TMEM245: variants seen among roughly 807,000 people sequenced by gnomAD.
TMEM245 encodes transmembrane protein 245.
In TMEM245, 69 loss-of-function variants were observed where a neutral mutation model predicts 101.2. That is an observed-to-expected ratio of 0.68 (90% CI 0.56 to 0.83). TMEM245 has a LOEUF of 0.83. TMEM245 is among the 40% of genes least tolerant of loss of function. The probability of loss-of-function intolerance (pLI) is 0.00; values close to 1 mark genes in which losing one functional copy is unlikely to be tolerated. For synonymous variants in TMEM245, 537 were observed against 449.8 expected (o/e 1.19, Z -2.45); for missense variants, 1,075 against 1,092.8 (o/e 0.98, Z 0.23).
At position 109,017,783 on chromosome 9, in the gene TMEM245, C is replaced by T. The variant is rs2132252297; in HGVS notation, c.*2677G>A. The T allele has an allele frequency of 6.6e-6, 1 of 152,302 alleles. No homozygotes were observed. Among genetic ancestry groups the T allele is most frequent in the East Asian group, 1.9e-4 (1 of 5,178 alleles). The allele number at this position is 152,302 out of a possible 1,614,324, so 9.4% of individuals were successfully genotyped here. ...ATCTTTGAGACTTGAGCTTAAAACT[C>T]CTACCTTTTCATACCACTTGATCTC... On this transcript the variant is annotated 3_prime_UTR_variant, in exon 18 of 18. Transcript: ENST00000374586.
In TMEM245 at chr9:109,119,649, G is replaced by A. The variant is rs1225882637; in HGVS notation, c.265C>T (p.Leu89=). Residue 89 remains leucine, a synonymous_variant, in exon 1 of 18, where the codon CTA becomes TTA. Coordinates refer to ENST00000374586, the MANE Select transcript of TMEM245 (RefSeq NM_032012.4). ...AFLRPLLWAV[L]CGTFLHPFKS... ...AAGGGGTGCAGAAAAGTGCCGCATA[G>A]CACGGCCCAGAGCAGCGGCCGCAGG... is the stretch of plus-strand genomic sequence containing the variant. The A allele has an allele frequency of 6.4e-7, 1 of 1,558,816 alleles. No homozygotes were observed. Among genetic ancestry groups the A allele is most frequent in the Non-Finnish European group, 8.7e-7 (1 of 1,153,980 alleles).
In TMEM245 at chr9:109,119,508, C is replaced by T. The variant is rs1413765619; in HGVS notation, c.406G>A (p.Glu136Lys). 6.6e-7 allele frequency: 1 copy of T among 1,515,542 alleles called. No individual in the cohort carries two copies. Among genetic ancestry groups the T allele is most frequent in the Non-Finnish European group, 8.8e-7 (1 of 1,137,980 alleles). 93.9% of individuals were successfully genotyped at this position (1,515,542 alleles called of 1,614,324 possible). A position where few individuals can be genotyped will look rare whatever the true frequency, so the allele number is the denominator to read the frequency against. The change falls in exon 1 of 18, where the codon GAG becomes AAG. Residue 136 changes from glutamate to lysine, a missense_variant. By Grantham distance (56) the Glu-to-Lys change is moderately conservative. Transcript: ENST00000374586. ...LPLCFVDYGVEALGEQALRRR... is the reference protein window; with the variant it reads ...LPLCFVDYGVKALGEQALRRR... The stretch of plus-strand genomic sequence containing the variant: ...CGCAGCGCCTGCTCGCCCAGGGCCT[C>T]GACGCCGTAGTCGACGAAGCAGAGC...
chr9:109,083,081 C>G (rs1829714438), intron 7 of TMEM245, among the ~76,000 whole-genome samples: 1 of 148,706 alleles, frequency 6.7e-6, no homozygotes, highest in Non-Finnish European at 1.5e-5. Context: ...AAGATTTATT[C>G]AAGAATAAAA....
At chr9:109,074,454 C>G (rs577257501) in intron 8 of TMEM245, among the ~76,000 whole-genome samples, 2 of 152,236 alleles carry the variant, frequency 1.3e-5, no homozygotes, top group South Asian at 2.1e-4. Flanking sequence ...AAATATATTA[C>G]GATTCACGAG....
At chr9:109,061,548 C>T (rs1036762695) in intron 10 of TMEM245, among the ~76,000 whole-genome samples, 2 of 152,062 alleles carry the variant, frequency 1.3e-5, no homozygotes, top group African/African-American at 2.4e-5. Context: ...GATCATTACC[C>T]ACTCTAAGGA....
intron 17 of TMEM245, among the ~76,000 whole-genome samples, chr9:109,032,807 C>CT (rs568749155): frequency 0.12 from 15,364 of 123,030 alleles, 1,408 homozygotes; most frequent in Non-Finnish European, 0.18. Flanking sequence ...CAATATAGGT[C>CT]TTTTTTTTTT....
intron 3 of TMEM245, among the ~76,000 whole-genome samples, chr9:109,104,630 T>C (rs944393483): frequency 3.3e-5 from 5 of 152,198 alleles, no homozygotes; most frequent in South Asian, 2.1e-4. Flanking sequence ...GAACTCACAC[T>C]TCTCAATTTC....
chr9:109,046,499 G>A (rs1252600115), intron 14 of TMEM245, among the ~76,000 whole-genome samples: 1 of 152,108 alleles, frequency 6.6e-6, no homozygotes, highest in Non-Finnish European at 1.5e-5. Context: ...AATGAGTAAG[G>A]TTCAAAACTT....
chr9:109,090,683 C>T (rs1829973406), intron 5 of TMEM245, among the ~76,000 whole-genome samples: 1 of 146,576 alleles, frequency 6.8e-6, no homozygotes, highest in Non-Finnish European at 1.5e-5. Context: ...GAGATGGTGC[C>T]ACTGCACTTC....
chr9:109,078,890 A>ATTGTTT (rs1281793832), intron 8 of TMEM245, among the ~76,000 whole-genome samples: 4 of 152,122 alleles, frequency 2.6e-5, no homozygotes, highest in African/African-American at 9.7e-5. Context: ...CATGTCTGCT[A>ATTGTTT]GATGTTTGAT....
chr9:109,060,035 TAGTATA>T (rs1489195519), intron 11 of TMEM245, among the ~76,000 whole-genome samples: 1 of 152,240 alleles, frequency 6.6e-6, no homozygotes, highest in Non-Finnish European at 1.5e-5. Flanking sequence ...AAAATTCGTT[TAGTATA>T]AGTATTAGAA....
intron 1 of TMEM245, among the ~76,000 whole-genome samples, chr9:109,108,859 CA>C (rs1165589567): frequency 6.6e-6 from 1 of 151,960 alleles, no homozygotes; most frequent in Admixed American, 6.6e-5. Context: ...ATAAAATATT[CA>C]AAGCATAAAC....
intron 16 of TMEM245, among the ~76,000 whole-genome samples, chr9:109,034,229 G>A (rs958838623): frequency 1.3e-5 from 2 of 152,226 alleles, no homozygotes; most frequent in Non-Finnish European, 2.9e-5. Flanking sequence ...AAACATAGAT[G>A]AGAAGAACAA....
At chr9:109,033,166 A>T in intron 17 of TMEM245, 141 bp downstream of exon 17, 1 of 922,672 alleles carries the variant, frequency 1.1e-6, no homozygotes, top group Non-Finnish European at 1.5e-6. Context: ...GTATTTACTT[A>T]GTGTCTTCTG....
Position 109,119,701 on chromosome 9 carries a change from C to G in TMEM245, c.213G>C (p.Val71=), listed in dbSNP as rs535976237. The G allele has an allele frequency of 2.6e-6, 4 of 1,550,098 alleles. No individual in the cohort carries two copies. In the African/African-American group the frequency reaches 4.2e-5, roughly 16 times the overall value. ...AGGCCTCCAGGATGAAGTAGACCAG[C>G]ACCGCGGCGCCGCAGCACAGGCACA... is the stretch of plus-strand genomic sequence containing the variant. ...LFVCLCCGAA[V]LVYFILEAFL... Residue 71 remains valine (V), a synonymous_variant, in exon 1 of 18, where the codon GTG becomes GTC. Transcript: ENST00000374586.
chr9:109,037,357 T>G (rs1046555331), intron 15 of TMEM245, among the ~76,000 whole-genome samples: 2 of 152,196 alleles, frequency 1.3e-5, no homozygotes, highest in East Asian at 1.9e-4. Context: ...TGCTAAGTGC[T>G]AGAACATTCA....
chr9:109,071,839 AC>A (rs1829344823), intron 9 of TMEM245, among the ~76,000 whole-genome samples: 1 of 152,170 alleles, frequency 6.6e-6, no homozygotes, highest in African/African-American at 2.4e-5. Context: ...AACATCCCCC[AC>A]AAAAACTGAA....
At chr9:109,118,662 G>C (rs972351224) in intron 1 of TMEM245, among the ~76,000 whole-genome samples, 1 of 152,210 alleles carries the variant, frequency 6.6e-6, no homozygotes, top group Non-Finnish European at 1.5e-5. Context: ...GTGTGCTGTG[G>C]TACACCAGTC....
chr9:109,033,759 A>G (rs1828037960), intron 16 of TMEM245, among the ~76,000 whole-genome samples: 1 of 152,236 alleles, frequency 6.6e-6, no homozygotes, highest in Admixed American at 6.5e-5. Flanking sequence ...AAAGCCAGCA[A>G]TGTTAACAGA....
Sources: gnomAD v4.1 joint callset for allele counts (sites outside exome capture counted in the v4.1 genomes callset) on GRCh38, gnomAD v4.1.1 for gene constraint, MANE v1.5 for transcripts, NCBI Gene and HGNC (gene_info 2026-07-23, HGNC 2026-07-21) for gene names.